The following ATG10 variants were observed in gnomAD, a reference collection of about 807,000 sequenced individuals.
The protein encoded by ATG10 is ubiquitin-like-conjugating enzyme ATG10.
Under a neutral mutation model 32.1 loss-of-function variants are expected in ATG10, and 30 were observed. The observed-to-expected ratio is 0.94, with a 90% CI of 0.70 to 1.27. The LOEUF is 1.27. Among genes scored for constraint, ATG10 ranks in the 50% most tolerant of loss-of-function variants. ATG10 has a pLI of 0.00. For missense variants in ATG10, 233 were observed against 262.3 expected, an observed-to-expected ratio of 0.89 and a Z score of 0.77; for synonymous variants, 87 against 91.5, an observed-to-expected ratio of 0.95 and a Z score of 0.28.
At chr5:82,161,086 AGATTTC>A (rs1437296847) in intron 3 of ATG10, among the ~76,000 whole-genome samples, 1 of 152,228 alleles carries the variant, frequency 6.6e-6, no homozygotes, top group Non-Finnish European at 1.5e-5. Flanking sequence ...TAGAAGTCTG[AGATTTC>A]CAAATTGCAT....
At chr5:82,223,373 A>T (rs1363133660) in intron 5 of ATG10, among the ~76,000 whole-genome samples, 2 of 152,256 alleles carry the variant, frequency 1.3e-5, no homozygotes, top group African/African-American at 4.8e-5. Flanking sequence ...AGTCACAATG[A>T]TGAATAACAG....
intron 5 of ATG10, among the ~76,000 whole-genome samples, chr5:82,207,633 TGTG>T (rs1359967339): frequency 6.6e-6 from 1 of 152,370 alleles, no homozygotes; most frequent in Admixed American, 6.5e-5. Context: ...TTAATTTTAA[TGTG>T]GTCTAATTTA....
intron 5 of ATG10, among the ~76,000 whole-genome samples, chr5:82,195,892 A>G (rs1024460638): frequency 6.6e-6 from 1 of 152,198 alleles, no homozygotes; most frequent in African/African-American, 2.4e-5. Flanking sequence ...TCTTGTGTAT[A>G]TAACCTAGCA....
intron 4 of ATG10, among the ~76,000 whole-genome samples, chr5:82,176,161 G>C (rs962257351): frequency 3.3e-5 from 5 of 152,138 alleles, no homozygotes; most frequent in African/African-American, 1.2e-4. Context: ...GGTCTGAAAA[G>C]CTTTATGGTA....
At chr5:82,229,857 A>G (rs185212411) in intron 5 of ATG10, among the ~76,000 whole-genome samples, 1 of 152,272 alleles carries the variant, frequency 6.6e-6, no homozygotes, top group Admixed American at 6.5e-5. Flanking sequence ...TCCTGGAACC[A>G]TTCCCTGTGA....
rs576538976 is a variant in ATG10 at position 81,999,490 on chromosome 5, G to A, written c.108+11812G>A. Among the ~76,000 whole-genome samples, 175 of 151,926 alleles carry A rather than the reference G, an allele frequency of 1.2e-3. 2 individuals are homozygous for A. The highest frequency in any genetic ancestry group is 2.3e-3 in the Admixed American group (35 of 15,244). On this transcript the variant is annotated intron_variant, in intron 2 of 7. Coordinates refer to ENST00000282185, the MANE Select transcript of ATG10 (RefSeq NM_031482.5). ...TAGAGGAACTAGAGAAACAAGAGAA[G>A]ACCAACCCCAAAGCTAGCAGAAGAT...
At chr5:82,252,685 G>A (rs1399931357) in intron 6 of ATG10, 26 bp downstream of exon 6, 1 of 1,345,486 alleles carries the variant, frequency 7.4e-7, no homozygotes, top group Non-Finnish European at 1.0e-6. Context: ...AAGATACATT[G>A]GCTTCTACTC....
chr5:81,992,391 T>A (rs761598128), intron 2 of ATG10: 25 of 151,826 alleles, frequency 1.6e-4, no homozygotes, highest in Non-Finnish European at 3.5e-4. Context: ...TTTATTTATT[T>A]ATTTTTAAAA....
intron 7 of ATG10, among the ~76,000 whole-genome samples, chr5:82,253,788 C>T (rs1747358375): frequency 6.6e-6 from 1 of 152,168 alleles, no homozygotes; most frequent in South Asian, 2.1e-4. Context: ...TTGCGCGCTC[C>T]TTATGAGATT....
intron 2 of ATG10, among the ~76,000 whole-genome samples, chr5:82,028,354 C>T (rs1408354344): frequency 1.3e-5 from 2 of 152,048 alleles, no homozygotes; most frequent in Non-Finnish European, 2.9e-5. Flanking sequence ...AAACAAATTA[C>T]TGGGGATGAA....
chr5:82,163,265 A>G (rs1287878228), intron 3 of ATG10, among the ~76,000 whole-genome samples: 2 of 152,096 alleles, frequency 1.3e-5, no homozygotes, highest in Non-Finnish European at 1.5e-5. Context: ...TTATTTTATT[A>G]TGTTTAATTG....
At chr5:82,023,061 C>G (rs1440457176) in intron 2 of ATG10, among the ~76,000 whole-genome samples, 1 of 151,228 alleles carries the variant, frequency 6.6e-6, no homozygotes, top group Non-Finnish European at 1.5e-5. Flanking sequence ...CAATGCTCCC[C>G]CCCTGCCCCA....
chr5:81,993,334 TCC>T (rs1761523044), intron 2 of ATG10, among the ~76,000 whole-genome samples: 1 of 68,876 alleles, frequency 1.5e-5, no homozygotes, highest in Non-Finnish European at 2.6e-5. Flanking sequence ...TTTCCTTCCT[TCC>T]TTCTTTCTTT....
At chr5:82,229,791 C>T (rs1047940589) in intron 5 of ATG10, among the ~76,000 whole-genome samples, 1 of 152,158 alleles carries the variant, frequency 6.6e-6, no homozygotes, top group Non-Finnish European at 1.5e-5. Flanking sequence ...AGCCACTTTA[C>T]ATAAGGGACT....
chr5:81,976,769 GTTAT>G (rs957053726), intron 1 of ATG10, among the ~76,000 whole-genome samples: 27 of 152,308 alleles, frequency 1.8e-4, no homozygotes, highest in African/African-American at 6.3e-4. Flanking sequence ...GCTTGTGGGA[GTTAT>G]TTATATCCTG....
chr5:82,194,993 G>A (rs1472074998), intron 5 of ATG10, among the ~76,000 whole-genome samples: 1 of 152,126 alleles, frequency 6.6e-6, no homozygotes, highest in Non-Finnish European at 1.5e-5. Flanking sequence ...AAGTGGCTCA[G>A]GGAAGTCACC....
At chr5:82,138,747 A>G (rs1424383702) in intron 3 of ATG10, among the ~76,000 whole-genome samples, 2 of 151,980 alleles carry the variant, frequency 1.3e-5, no homozygotes, top group East Asian at 1.9e-4. Context: ...TATAGAAAGT[A>G]GTATCAATAA....
chr5:82,208,744 TC>T (rs1307470421), intron 5 of ATG10, among the ~76,000 whole-genome samples: 1 of 152,240 alleles, frequency 6.6e-6, no homozygotes, highest in Non-Finnish European at 1.5e-5. Flanking sequence ...TTTAAAAAGA[TC>T]AAATGCTTTA....
chr5:82,183,142 C>A (rs1203625964), intron 5 of ATG10, among the ~76,000 whole-genome samples: 1 of 152,000 alleles, frequency 6.6e-6, no homozygotes, highest in African/African-American at 2.4e-5. Context: ...AACCACAATT[C>A]TATTATCACA....
Sources: allele counts gnomAD v4.1 joint callset (sites outside exome capture counted in the v4.1 genomes callset), GRCh38; gene constraint gnomAD v4.1.1; transcripts MANE v1.5; gene names NCBI Gene and HGNC (gene_info 2026-07-23, HGNC 2026-07-21).